The following GRIK3 variants were observed in gnomAD, a reference collection of about 807,000 sequenced individuals.
GRIK3 encodes the protein glutamate receptor ionotropic, kainate 3.
In GRIK3, 29 loss-of-function variants were observed where a neutral mutation model predicts 102.5. The ratio of observed to expected loss-of-function variants is 0.28; its 90% CI spans 0.21 to 0.39. GRIK3 has a LOEUF of 0.39. Among genes scored for constraint, GRIK3 ranks in the 10% least tolerant of loss-of-function variants. GRIK3 has a pLI of 1.00. For synonymous variants in GRIK3, 511 were observed against 504.9 expected (o/e 1.01, Z -0.16); for missense variants, 908 against 1,252.4 (o/e 0.73, Z 4.15).
chr1:36,935,541 C>T (rs1641647183), intron 1 of GRIK3, among the ~76,000 whole-genome samples: 1 of 151,622 alleles, frequency 6.6e-6, no homozygotes, highest in Non-Finnish European at 1.5e-5. Flanking sequence ...CTCCTCCCCT[C>T]CCCCATCTCT....
intron 1 of GRIK3, among the ~76,000 whole-genome samples, chr1:36,998,445 CTG>C (rs1374297821): frequency 6.6e-6 from 1 of 152,212 alleles, no homozygotes; most frequent in East Asian, 1.9e-4. Flanking sequence ...CTAGTTGACT[CTG>C]TATCTCTAGC....
At chr1:36,941,580 C>A (rs1004743043) in intron 1 of GRIK3, among the ~76,000 whole-genome samples, 1 of 152,112 alleles carries the variant, frequency 6.6e-6, no homozygotes, top group East Asian at 1.9e-4. Flanking sequence ...TATAAAGGCG[C>A]CCCTCCCACC....
At chr1:36,841,534 A>G (rs1640449553) in intron 10 of GRIK3, among the ~76,000 whole-genome samples, 1 of 152,154 alleles carries the variant, frequency 6.6e-6, no homozygotes, top group Non-Finnish European at 1.5e-5. Flanking sequence ...TGGCGTTGGG[A>G]GTATGAGCAA....
intron 1 of GRIK3, among the ~76,000 whole-genome samples, chr1:36,982,952 T>A (rs1005852756): frequency 6.6e-6 from 1 of 152,106 alleles, no homozygotes; most frequent in African/African-American, 2.4e-5. Context: ...CCGCGGACAA[T>A]TAAAACCCGG....
intron 1 of GRIK3, among the ~76,000 whole-genome samples, chr1:36,956,428 C>T (rs1177129430): frequency 1.3e-5 from 2 of 152,226 alleles, no homozygotes; most frequent in African/African-American, 4.8e-5. Context: ...ACAATTTACC[C>T]AGACGGCAGC....
At chr1:36,906,299 G>C (rs1016117712) in intron 1 of GRIK3, among the ~76,000 whole-genome samples, 5 of 152,184 alleles carry the variant, frequency 3.3e-5, no homozygotes, top group African/African-American at 1.2e-4. Flanking sequence ...CTATCCACTG[G>C]AGGAAGTTAC....
Position 36,801,892 on chromosome 1 carries a change from T to G in GRIK3, c.2719A>C (p.Ser907Arg). Residue 907 changes from serine (S) to arginine (R), a missense_variant, in exon 16 of 16, where the codon AGC (serine) becomes CGC (arginine). Physicochemically the swap from Ser to Arg is moderately radical, Grantham distance 110. This residue lies in a region of GRIK3 where 297 missense variants were observed against 362.7 expected (regional missense o/e 0.82). Transcript: ENST00000373091. ...FNDRRLPGKD[S>R]MACSTSLAPV... The stretch of plus-strand genomic sequence containing the variant: ...GCTAAGGATGTGCTGCAGGCCATGC[T>G]GTCCTTGCCGGGAAGCCGGCGGTCA... The G allele has an allele frequency of 6.2e-7, 1 of 1,613,110 alleles. No homozygotes were observed.
At position 36,817,137 on chromosome 1, in the gene GRIK3, A is replaced by C; in HGVS notation, c.2014T>G (p.Ser672Ala). 2 of 1,614,128 alleles carry C rather than the reference A, an allele frequency of 1.2e-6. No homozygotes were observed. Among genetic ancestry groups the C allele is most frequent in the Non-Finnish European group, 1.7e-6 (2 of 1,180,016 alleles). ...TVERMESPID[S>A]ADDLAKQTKI... ...GTTTGCTTGGCCAGGTCATCAGCAG[A>C]GTCAATGGGTGATTCCATGCGCTCC... Residue 672 changes from serine to alanine, a missense_variant, in exon 13 of 16, where the codon TCT becomes GCT. Transcript: ENST00000373091.
chr1:37,006,044 T>C (rs1328313990), intron 1 of GRIK3, among the ~76,000 whole-genome samples: 2 of 152,174 alleles, frequency 1.3e-5, no homozygotes, highest in Non-Finnish European at 2.9e-5. Context: ...AGGAGGATGC[T>C]GTAGCCACCG....
chr1:37,011,164 G>T (rs1366720357), intron 1 of GRIK3, among the ~76,000 whole-genome samples: 3 of 152,194 alleles, frequency 2.0e-5, no homozygotes, highest in Non-Finnish European at 2.9e-5. Flanking sequence ...AGTCAGGGTG[G>T]CCACGTTTAA....
rs138719587 is a variant in GRIK3, at chr1:36,980,426, C to T, written c.115+53568G>A. ...CACACAGATCTTCTCTTTGCTCCTCCCTCTGCTTGGGACACTCTCCCTCCT... is the reference window on the plus strand; with the variant it reads ...CACACAGATCTTCTCTTTGCTCCTCTCTCTGCTTGGGACACTCTCCCTCCT... On this transcript the variant is annotated intron_variant, in intron 1 of 15. Transcript: ENST00000373091. 5.0e-3 allele frequency among the ~76,000 whole-genome samples: 755 copies of T among 151,630 alleles called. 4 individuals are homozygous for T. Among genetic ancestry groups the T allele is most frequent in the Non-Finnish European group, 8.1e-3 (550 of 67,924 alleles).
intron 1 of GRIK3, among the ~76,000 whole-genome samples, chr1:36,927,381 C>T (rs190707180): frequency 4.6e-5 from 7 of 152,322 alleles, no homozygotes; most frequent in Non-Finnish European, 8.8e-5. Context: ...CTGTTCACCA[C>T]GAGCCCTAAA....
intron 1 of GRIK3, among the ~76,000 whole-genome samples, chr1:36,946,453 C>A (rs1362128937): frequency 6.6e-6 from 1 of 152,234 alleles, no homozygotes; most frequent in Non-Finnish European, 1.5e-5. Flanking sequence ...GGCTGCTGGA[C>A]AGCCCTTCTG....
At chr1:37,008,070 C>T (rs1205771425) in intron 1 of GRIK3, among the ~76,000 whole-genome samples, 1 of 152,240 alleles carries the variant, frequency 6.6e-6, no homozygotes, top group Non-Finnish European at 1.5e-5. Context: ...ACCTCCACCT[C>T]TTCTTCTCTG....
intron 2 of GRIK3, among the ~76,000 whole-genome samples, chr1:36,883,493 A>G (rs1641005784): frequency 6.6e-6 from 1 of 152,108 alleles, no homozygotes. Context: ...CTAAAAGTGC[A>G]CCTCCTGCAA....
chr1:36,984,643 G>A (rs924495026), intron 1 of GRIK3, among the ~76,000 whole-genome samples: 4 of 152,212 alleles, frequency 2.6e-5, no homozygotes, highest in African/African-American at 9.7e-5. Context: ...AAGAGTGCAC[G>A]GTGGCTACAA....
chr1:36,874,281 T>C (rs1368850301), intron 3 of GRIK3, among the ~76,000 whole-genome samples: 1 of 152,182 alleles, frequency 6.6e-6, no homozygotes, highest in Admixed American at 6.5e-5. Flanking sequence ...AGCAATCTGA[T>C]TGGTGTCCAT....
intron 1 of GRIK3, among the ~76,000 whole-genome samples, chr1:36,930,276 T>C (rs1641573579): frequency 6.6e-6 from 1 of 152,218 alleles, no homozygotes; most frequent in Non-Finnish European, 1.5e-5. Flanking sequence ...GTGATAGGTG[T>C]GTGCACCCTC....
Position 36,850,069 on chromosome 1 carries a change from C to A in GRIK3, c.1326+242G>T. 1 of 503,448 alleles carries A rather than the reference C, an allele frequency of 2.0e-6. No homozygotes were observed. The allele number at this position is 503,448 out of a possible 1,614,324, so 31.2% of individuals were successfully genotyped here. On this transcript the variant is annotated intron_variant, in intron 9 of 15. Transcript: ENST00000373091. The surrounding 1 kb of genome is among the most constrained non-coding windows in gnomAD (Gnocchi z 4.0). Reference sequence around the variant, plus strand: ...CCATCCAGCATGGTTCCTACTCAGACATCAAGGACTTGGGGAGTGAGTGGG... The same window carrying A: ...CCATCCAGCATGGTTCCTACTCAGAAATCAAGGACTTGGGGAGTGAGTGGG...
Sources: gnomAD v4.1 joint callset for allele counts (sites outside exome capture counted in the v4.1 genomes callset) on GRCh38, gnomAD v4.1.1 for gene constraint, gnomAD v4.1.1 regional missense constraint, Gnocchi (gnomAD v3.1) non-coding constraint, MANE v1.5 for transcripts, NCBI Gene and HGNC (gene_info 2026-07-23, HGNC 2026-07-21) for gene names.